Variants in PPP6R3 observed in about 807,000 individuals in gnomAD.
PPP6R3 encodes the protein serine/threonine-protein phosphatase 6 regulatory subunit 3.
PPP6R3 carries 38 observed loss-of-function variants against 110.7 expected under a neutral mutation model. The observed-to-expected ratio is 0.34, with a 90% CI of 0.26 to 0.45. The LOEUF (loss-of-function observed/expected upper bound fraction) is 0.45. PPP6R3 is among the 20% of genes least tolerant of loss of function. PPP6R3 has a pLI of 1.00. For missense variants in PPP6R3, 870 were observed against 1,062.4 expected (o/e 0.82, Z 2.52); for synonymous variants, 369 against 373.5 (o/e 0.99, Z 0.14).
At chr11:68,489,693 A>G (rs1591910836) in intron 1 of PPP6R3, among the ~76,000 whole-genome samples, 1 of 151,602 alleles carries the variant, frequency 6.6e-6, no homozygotes, top group Non-Finnish European at 1.5e-5. Flanking sequence ...TAAAATACTT[A>G]TAATTAAAGT....
chr11:68,554,132 T>G lies in PPP6R3; in HGVS notation c.619-13T>G, dbSNP rs368255455. The G allele has an allele frequency of 1.9e-6, 3 of 1,582,466 alleles. No individual in the cohort carries two copies. The African/African-American group carries it at 4.1e-5, about 21-fold the overall frequency. On this transcript the variant is annotated splice_polypyrimidine_tract_variant and intron_variant, in intron 6 of 23. Coordinates refer to ENST00000393800, the MANE Select transcript of PPP6R3 (RefSeq NM_001164161.2). ...ACATGTTTTATGGTTAAAATTGTAC[T>G]TTTTTCCTTTAGCGACATTCAAATG...
At chr11:68,606,106 G>A (rs1282509559) in intron 22 of PPP6R3, among the ~76,000 whole-genome samples, 4 of 152,162 alleles carry the variant, frequency 2.6e-5, no homozygotes, top group South Asian at 2.1e-4. Context: ...TGATTAGTTA[G>A]GGTTTATCCT....
intron 8 of PPP6R3, 107 bp from the exon 9 acceptor site, chr11:68,564,196 C>A: frequency 8.4e-7 from 1 of 1,187,870 alleles, no homozygotes; most frequent in South Asian, 1.6e-5. Context: ...TTTTTTCCCG[C>A]AGCCAGAAAA....
intron 8 of PPP6R3, among the ~76,000 whole-genome samples, chr11:68,561,821 C>G (rs2099423610): frequency 6.6e-6 from 1 of 152,170 alleles, no homozygotes; most frequent in African/African-American, 2.4e-5. Flanking sequence ...TGCAGTGGCA[C>G]AATCATAGCT....
chr11:68,562,897 A>G (rs1759853227), intron 8 of PPP6R3, among the ~76,000 whole-genome samples: 1 of 152,198 alleles, frequency 6.6e-6, no homozygotes, highest in East Asian at 1.9e-4. Context: ...GATAACTCAG[A>G]CTACACTAAA....
chr11:68,501,929 A>C (rs998571046), intron 1 of PPP6R3, among the ~76,000 whole-genome samples: 1 of 152,232 alleles, frequency 6.6e-6, no homozygotes, highest in Admixed American at 6.5e-5. Flanking sequence ...AAAATGACAT[A>C]GAACTGAACC....
intron 2 of PPP6R3, among the ~76,000 whole-genome samples, chr11:68,534,182 A>G (rs558044540): frequency 8.5e-5 from 13 of 152,278 alleles, no homozygotes; most frequent in South Asian, 2.1e-4. Flanking sequence ...CTCACTGGGC[A>G]GGGCGCAAGG....
chr11:68,468,423 A>C (rs1228342322), intron 1 of PPP6R3, among the ~76,000 whole-genome samples: 2 of 152,184 alleles, frequency 1.3e-5, no homozygotes, highest in African/African-American at 4.8e-5. Context: ...GCCCCTTCTG[A>C]GTAAACAACA....
chr11:68,574,887 A>G (rs1009464806), intron 13 of PPP6R3, among the ~76,000 whole-genome samples: 1 of 152,238 alleles, frequency 6.6e-6, no homozygotes, highest in Non-Finnish European at 1.5e-5. Flanking sequence ...GAATGTGAAC[A>G]GTCTTTAACA....
At chr11:68,479,518 GT>G (rs1400105224) in intron 1 of PPP6R3, among the ~76,000 whole-genome samples, 1 of 152,148 alleles carries the variant, frequency 6.6e-6, no homozygotes, top group Non-Finnish European at 1.5e-5. Flanking sequence ...CTCGATGATT[GT>G]TTTCCCTTAG....
chr11:68,467,662 C>G (rs550394775), intron 1 of PPP6R3, among the ~76,000 whole-genome samples: 48 of 152,316 alleles, frequency 3.2e-4, no homozygotes, highest in Non-Finnish European at 6.2e-4. Context: ...GGGCTTTGGT[C>G]CTCAGATGGG....
intron 2 of PPP6R3, among the ~76,000 whole-genome samples, chr11:68,529,037 G>A (rs886345043): frequency 4.6e-5 from 7 of 152,206 alleles, no homozygotes; most frequent in African/African-American, 1.4e-4. Context: ...ATCAAGGGAT[G>A]CTGTGAGGTC....
chr11:68,507,246 ATTT>A (rs58191278), intron 1 of PPP6R3, among the ~76,000 whole-genome samples: 31,961 of 114,816 alleles, frequency 0.28, 3,759 homozygotes, highest in Middle Eastern at 0.38. Flanking sequence ...GTCTTTTTGC[ATTT>A]TTTTTTTTTT....
chr11:68,585,673 T>C (rs1004350380), intron 15 of PPP6R3, among the ~76,000 whole-genome samples: 3 of 152,198 alleles, frequency 2.0e-5, no homozygotes, highest in African/African-American at 7.2e-5. Flanking sequence ...AGTTCTTTGC[T>C]AGAAGCTGTA....
chr11:68,536,482 C>T (rs948270276), intron 2 of PPP6R3, among the ~76,000 whole-genome samples: 15 of 152,096 alleles, frequency 9.9e-5, no homozygotes, highest in African/African-American at 2.4e-4. Context: ...GTAGGCCGTT[C>T]TTGAACTCCT....
intron 14 of PPP6R3, among the ~76,000 whole-genome samples, chr11:68,576,785 T>A (rs1283091020): frequency 2.0e-5 from 3 of 152,164 alleles, no homozygotes; most frequent in Admixed American, 2.0e-4. Context: ...GGCGTTTAAT[T>A]CTATATTTCA....
chr11:68,573,117 T>TATATATATATATATATATAG (rs2099514948), intron 12 of PPP6R3, among the ~76,000 whole-genome samples: 1 of 23,670 alleles, frequency 4.2e-5, no homozygotes, highest in African/African-American at 1.4e-4. Context: ...ACTTATTTTA[T>TATATATATATATATATATAG]ATATATATAT....
rs139895339 is a variant in PPP6R3 at position 68,515,775 on chromosome 11, T to C, written c.-157-3726T>C. Among the ~76,000 whole-genome samples, 213 of 152,256 alleles carry C rather than the reference T, an allele frequency of 1.4e-3. 1 individual carries two copies. The highest frequency in any genetic ancestry group is 4.8e-3 in the African/African-American group (199 of 41,534). ...TGTAATTACTTCCTTTCTCCAAATA[T>C]AACCATGCTGGGAGTTAGGACTTCA... On this transcript the variant is annotated intron_variant, in intron 1 of 23. Transcript: ENST00000393800.
At chr11:68,488,863 G>A (rs1267913710) in intron 1 of PPP6R3, 1 of 152,174 alleles carries the variant, frequency 6.6e-6, no homozygotes, top group Non-Finnish European at 1.5e-5. Context: ...GGTGGCAACA[G>A]CTAGGTTCCT....
Sources: gnomAD v4.1 joint callset for allele counts (sites outside exome capture counted in the v4.1 genomes callset) on GRCh38, gnomAD v4.1.1 for gene constraint, MANE v1.5 for transcripts, NCBI Gene and HGNC (gene_info 2026-07-23, HGNC 2026-07-21) for gene names.